Variants in GALNT13 observed in about 807,000 individuals in gnomAD.
The protein encoded by GALNT13 is UDP-GalNAc:polypeptide N-acetylgalactosaminyltransferase 13.
Under a neutral mutation model 64.2 loss-of-function variants are expected in GALNT13, and 28 were observed. The ratio of observed to expected loss-of-function variants is 0.44; its 90% CI spans 0.32 to 0.60. GALNT13 has a LOEUF of 0.60. Among genes scored for constraint, GALNT13 ranks in the 20% least tolerant of loss-of-function variants. The probability of loss-of-function intolerance (pLI) is 0.05; values close to 1 mark genes in which losing one functional copy is unlikely to be tolerated. For synonymous variants in GALNT13, 214 were observed against 224.6 expected, an observed-to-expected ratio of 0.95 and a Z score of 0.42; for missense variants, 577 against 669.8, an observed-to-expected ratio of 0.86 and a Z score of 1.53.
At chr2:153,104,542 A>T in the GALNT13 span, among the ~76,000 whole-genome samples, 1 of 152,134 alleles carries the variant, frequency 6.6e-6, no homozygotes, top group Non-Finnish European at 1.5e-5. Context: ...CATTTGTTGT[A>T]CATGTTTGGA....
At chr2:154,151,590 C>G (rs1349889308) in intron 4 of GALNT13, among the ~76,000 whole-genome samples, 1 of 152,162 alleles carries the variant, frequency 6.6e-6, no homozygotes, top group Non-Finnish European at 1.5e-5. Context: ...TCACTCAGGA[C>G]TTGCTTTATG....
intron 3 of GALNT13, among the ~76,000 whole-genome samples, chr2:154,092,781 T>C (rs1701881827): frequency 6.6e-6 from 1 of 151,948 alleles, no homozygotes; most frequent in Non-Finnish European, 1.5e-5. Flanking sequence ...TTATTTGCAA[T>C]AGGAAACATA....
chr2:154,347,946 C>T (rs573129401), intron 9 of GALNT13, among the ~76,000 whole-genome samples: 19 of 152,250 alleles, frequency 1.2e-4, no homozygotes, highest in African/African-American at 4.1e-4. Flanking sequence ...TGGAAGGCCA[C>T]TTACCTTATC....
chr2:153,539,267 A>T, the GALNT13 span, among the ~76,000 whole-genome samples: 3 of 151,808 alleles, frequency 2.0e-5, no homozygotes, highest in Non-Finnish European at 2.9e-5. Context: ...AATTTGTTTG[A>T]GTTCATTGTA....
chr2:154,331,188 A>C (rs1480539656), intron 9 of GALNT13, among the ~76,000 whole-genome samples: 1 of 152,178 alleles, frequency 6.6e-6, no homozygotes, highest in Non-Finnish European at 1.5e-5. Context: ...GATAAAAGTA[A>C]TACAAGCTTT....
intron 4 of GALNT13, among the ~76,000 whole-genome samples, chr2:154,166,168 G>T (rs1685008722): frequency 6.6e-6 from 1 of 152,178 alleles, no homozygotes; most frequent in Non-Finnish European, 1.5e-5. Flanking sequence ...ACTTTGGGAG[G>T]CTGAGGCGGG....
chr2:153,214,584 T>G, the GALNT13 span, among the ~76,000 whole-genome samples: 3 of 152,144 alleles, frequency 2.0e-5, no homozygotes, highest in African/African-American at 7.2e-5. Flanking sequence ...CTGTGTTATG[T>G]CTTAGGCCAC....
chr2:153,253,589 G>C, the GALNT13 span, among the ~76,000 whole-genome samples: 1 of 149,918 alleles, frequency 6.7e-6, no homozygotes, highest in Non-Finnish European at 1.5e-5. Context: ...CATTCAGTAT[G>C]ATATTGGCTG....
the GALNT13 span, among the ~76,000 whole-genome samples, chr2:153,264,549 A>G: frequency 6.6e-6 from 1 of 152,348 alleles, no homozygotes; most frequent in African/African-American, 2.4e-5. Context: ...AATGCCCATC[A>G]ATGATAGACT....
chr2:153,873,507 T>C (rs2348537), intron 1 of GALNT13, among the ~76,000 whole-genome samples: 118,620 of 152,072 alleles, frequency 0.78, 47,664 homozygotes, highest in Non-Finnish European at 0.86. Flanking sequence ...CAAACATAGA[T>C]GCTTTGGGGT....
chr2:153,629,493 T>C, the GALNT13 span, among the ~76,000 whole-genome samples: 7 of 152,092 alleles, frequency 4.6e-5, no homozygotes, highest in Non-Finnish European at 7.4e-5. Context: ...ATACAAAAAT[T>C]AATTCAAGGT....
chr2:154,419,819 G>A (rs968793896), intron 11 of GALNT13, among the ~76,000 whole-genome samples: 4 of 152,156 alleles, frequency 2.6e-5, no homozygotes, highest in African/African-American at 9.6e-5. Context: ...AATTGGAGAA[G>A]ACAGTGTCTA....
At chr2:154,270,091 G>A (rs1691272951) in intron 8 of GALNT13, among the ~76,000 whole-genome samples, 1 of 151,060 alleles carries the variant, frequency 6.6e-6, no homozygotes, top group South Asian at 2.1e-4. Context: ...TGAACAACAG[G>A]TAAATTAGAC....
At chr2:153,142,300 G>A in the GALNT13 span, among the ~76,000 whole-genome samples, 2 of 152,144 alleles carry the variant, frequency 1.3e-5, no homozygotes, top group African/African-American at 2.4e-5. Flanking sequence ...TGGGAAAGCC[G>A]CAGGGAGTTT....
At chr2:153,653,529 T>A in the GALNT13 span, among the ~76,000 whole-genome samples, 1 of 152,228 alleles carries the variant, frequency 6.6e-6, no homozygotes, top group African/African-American at 2.4e-5. Flanking sequence ...AATTAGATGT[T>A]GTGTGAGATA....
chr2:153,420,842 C>A, the GALNT13 span: 1 of 238,104 alleles, frequency 4.2e-6, no homozygotes, highest in South Asian at 6.5e-5. Context: ...ACTTGTGGCC[C>A]AGGCAAACCC....
At chr2:154,363,563 C>T (rs1697197802) in intron 9 of GALNT13, among the ~76,000 whole-genome samples, 1 of 152,090 alleles carries the variant, frequency 6.6e-6, no homozygotes, top group Admixed American at 6.6e-5. Flanking sequence ...AATTAAACCA[C>T]ATTCTAAAAT....
the GALNT13 span, among the ~76,000 whole-genome samples, chr2:153,481,212 T>G: frequency 6.6e-6 from 1 of 152,208 alleles, no homozygotes; most frequent in South Asian, 2.1e-4. Context: ...ATAAAATTAC[T>G]TAGAACATAT....
intron 4 of GALNT13, among the ~76,000 whole-genome samples, chr2:154,160,799 C>A (rs2105663510): frequency 6.6e-6 from 1 of 152,278 alleles, no homozygotes; most frequent in Middle Eastern, 3.4e-3. Flanking sequence ...CATCATGTAC[C>A]TAACGCCTTT....
Sources: gnomAD v4.1 joint callset for allele counts (sites outside exome capture counted in the v4.1 genomes callset) on GRCh38, gnomAD v4.1.1 for gene constraint, MANE v1.5 for transcripts, NCBI Gene and HGNC (gene_info 2026-07-23, HGNC 2026-07-21) for gene names.